BICD1: variants seen among roughly 807,000 people sequenced by gnomAD.
BICD1 encodes the protein BICD cargo adaptor 1.
In BICD1, 35 loss-of-function variants were observed where a neutral mutation model predicts 92.5. The observed-to-expected ratio is 0.38, with a 90% CI of 0.29 to 0.50. The LOEUF (loss-of-function observed/expected upper bound fraction) is 0.50. Ranked by LOEUF, BICD1 falls within the 20% of genes least tolerant of loss-of-function variation. The pLI, the probability that BICD1 is intolerant of heterozygous loss-of-function variation, is 0.93. For missense variants in BICD1, 950 were observed against 1,189.8 expected, an observed-to-expected ratio of 0.80 and a Z score of 2.97; for synonymous variants, 429 against 465.1, an observed-to-expected ratio of 0.92 and a Z score of 1.00.
Position 32,367,804 on chromosome 12 carries a change from C to T in BICD1, c.2840+59C>T, listed in dbSNP as rs145377691. The T allele has an allele frequency of 1.3e-5, 19 of 1,481,826 alleles. No homozygotes were observed. The African/African-American group carries it at 1.7e-4, about 13-fold the overall frequency. 91.8% of individuals were successfully genotyped at this position (1,481,826 alleles called of 1,614,324 possible). A position where few individuals can be genotyped will look rare whatever the true frequency, so the allele number is the denominator to read the frequency against. On this transcript the variant is annotated intron_variant, in intron 9 of 9. Transcript: ENST00000652176. ...TGCATGTCAGATCCATAGACCCCAG[C>T]TCCCCTTTCCGACACCTGAACTGCC...
chr12:32,367,473 T>C, intron 8 of BICD1, 197 bp from the exon 9 acceptor site: 1 of 479,622 alleles, frequency 2.1e-6, no homozygotes, highest in South Asian at 3.3e-5. Context: ...TTTTTAATAC[T>C]GTATTTAAGA....
chr12:32,340,978 AG>A (rs1938342703), intron 8 of BICD1, among the ~76,000 whole-genome samples: 1 of 152,206 alleles, frequency 6.6e-6, no homozygotes, highest in African/African-American at 2.4e-5. Context: ...GCTGTCAAGA[AG>A]GGTATATCAA....
intron 4 of BICD1, among the ~76,000 whole-genome samples, chr12:32,320,687 T>C (rs60162504): frequency 8.6e-5 from 13 of 151,098 alleles, no homozygotes; most frequent in East Asian, 2.0e-4. Flanking sequence ...CTCAGTGAAA[T>C]AAAAAAAAAT....
intron 1 of BICD1, among the ~76,000 whole-genome samples, chr12:32,148,581 A>T (rs1365570598): frequency 6.6e-6 from 1 of 152,174 alleles, no homozygotes; most frequent in Admixed American, 6.5e-5. Flanking sequence ...GACCTGAATC[A>T]TGTCAAATTC....
chr12:32,178,902 G>T (rs575127094), intron 1 of BICD1, among the ~76,000 whole-genome samples: 1 of 152,050 alleles, frequency 6.6e-6, no homozygotes, highest in Admixed American at 6.6e-5. Context: ...CATGGTGGAG[G>T]ACGTCACTCA....
intron 4 of BICD1, among the ~76,000 whole-genome samples, chr12:32,327,014 G>A (rs993303441): frequency 2.0e-5 from 3 of 152,142 alleles, no homozygotes; most frequent in African/African-American, 7.2e-5. Context: ...CTGATTTGGG[G>A]TTGAGCTCTG....
chr12:32,253,251 G>T (rs553679176), intron 2 of BICD1, among the ~76,000 whole-genome samples: 1 of 152,112 alleles, frequency 6.6e-6, no homozygotes, highest in East Asian at 1.9e-4. Flanking sequence ...TAATATATTG[G>T]CCCTTTTTTC....
At chr12:32,371,174 A>T (rs1389177408) in intron 9 of BICD1, among the ~76,000 whole-genome samples, 1 of 152,214 alleles carries the variant, frequency 6.6e-6, no homozygotes, top group Non-Finnish European at 1.5e-5. Flanking sequence ...TTAATGAATT[A>T]CAAACATTTC....
chr12:32,339,583 TCTTCCTTC>T, intron 8 of BICD1: 1 of 985,456 alleles, frequency 1.0e-6, no homozygotes, highest in Non-Finnish European at 1.2e-6. Flanking sequence ...CATTTTTCTT[TCTTCCTTC>T]CTTCCTTTCA....
chr12:32,148,765 A>T (rs1943193222), intron 1 of BICD1, among the ~76,000 whole-genome samples: 1 of 152,142 alleles, frequency 6.6e-6, no homozygotes, highest in Admixed American at 6.5e-5. Flanking sequence ...CATGCCTGTA[A>T]TCCCAGCAGT....
At position 32,107,319 on chromosome 12, in the gene BICD1, A is replaced by G. The variant is rs201717663; in HGVS notation, c.-13A>G. 7.6e-6 allele frequency: 12 copies of G among 1,584,844 alleles called. No individual in the cohort carries two copies. Among genetic ancestry groups the G allele is most frequent in the African/African-American group, 1.3e-5 (1 of 74,232 alleles). On this transcript the variant is annotated 5_prime_UTR_variant, in exon 1 of 10. Coordinates refer to ENST00000652176, the MANE Select transcript of BICD1 (RefSeq NM_001714.4). ...CACCCCGTAACCCCCTCCTGCCTCC[A>G]TCCACCGGGGCTATGGCCGCAGAAG...
chr12:32,169,260 T>G (rs1053059565), intron 1 of BICD1, among the ~76,000 whole-genome samples: 12 of 151,822 alleles, frequency 7.9e-5, no homozygotes, highest in Admixed American at 5.2e-4. Context: ...ACTCTGATAC[T>G]TAGCACAATA....
chr12:32,164,439 A>G (rs1291020915), intron 1 of BICD1, among the ~76,000 whole-genome samples: 1 of 152,256 alleles, frequency 6.6e-6, no homozygotes, highest in Non-Finnish European at 1.5e-5. Flanking sequence ...GTGAAAGACT[A>G]AAGAAAGTTT....
At chr12:32,223,577 G>A (rs531370435) in intron 2 of BICD1, among the ~76,000 whole-genome samples, 7 of 151,496 alleles carry the variant, frequency 4.6e-5, no homozygotes, top group African/African-American at 1.5e-4. Context: ...GCTTTGGCTG[G>A]TTTGATCTTC....
chr12:32,314,889 T>C (rs1948460688), intron 4 of BICD1, among the ~76,000 whole-genome samples: 1 of 152,140 alleles, frequency 6.6e-6, no homozygotes, highest in Non-Finnish European at 1.5e-5. Flanking sequence ...CAAGCAATCC[T>C]CCCACCTTAG....
At chr12:32,137,064 G>T (rs1942757311) in intron 1 of BICD1, among the ~76,000 whole-genome samples, 1 of 152,052 alleles carries the variant, frequency 6.6e-6, no homozygotes, top group Non-Finnish European at 1.5e-5. Flanking sequence ...GTATTTTTAA[G>T]TTAGGTTTTT....
At chr12:32,322,450 G>A (rs913128254) in intron 4 of BICD1, among the ~76,000 whole-genome samples, 23 of 152,186 alleles carry the variant, frequency 1.5e-4, no homozygotes, top group African/African-American at 5.1e-4. Flanking sequence ...TAGATCCCTC[G>A]CATGCGCAGT....
In BICD1 at chr12:32,288,634, C is replaced by G. The variant is rs567959009; in HGVS notation, c.427-5360C>G. Among the ~76,000 whole-genome samples the G allele has an allele frequency of 1.6e-3, 247 of 152,094 alleles. 2 individuals are homozygous for G. The highest frequency in any genetic ancestry group is 5.8e-3 in the African/African-American group (239 of 41,506). Reference sequence around the variant, plus strand: ...TAATCCCAGCACTTTGGGAGGCCAACGCAGGTGGATCACTTGAGGTCAGAA... The same window carrying G: ...TAATCCCAGCACTTTGGGAGGCCAAGGCAGGTGGATCACTTGAGGTCAGAA... On this transcript the variant is annotated intron_variant, in intron 2 of 9. Transcript: ENST00000652176.
chr12:32,227,036 A>G (rs1229339665), intron 2 of BICD1, among the ~76,000 whole-genome samples: 1 of 152,222 alleles, frequency 6.6e-6, no homozygotes, highest in African/African-American at 2.4e-5. Context: ...GGTTGAGTGT[A>G]AAGTGGCTGC....
Sources: gnomAD v4.1 joint callset for allele counts (sites outside exome capture counted in the v4.1 genomes callset) on GRCh38, gnomAD v4.1.1 for gene constraint, MANE v1.5 for transcripts, NCBI Gene and HGNC (gene_info 2026-07-23, HGNC 2026-07-21) for gene names.